Variants in GADL1 observed in about 807,000 individuals in gnomAD.
GADL1 encodes the protein acidic amino acid decarboxylase GADL1.
A neutral mutation model predicts 69.5 loss-of-function variants in GADL1; 71 were observed. That is an observed-to-expected ratio of 1.02 (90% confidence interval 0.84 to 1.25). The LOEUF (loss-of-function observed/expected upper bound fraction) is 1.25, where lower values mean the gene tolerates loss of function less well. Ranked by LOEUF, GADL1 falls within the 50% of genes most tolerant of loss-of-function variation. The pLI, the probability that GADL1 is intolerant of heterozygous loss-of-function variation, is 0.00. For synonymous variants in GADL1, 254 were observed against 214.4 expected, an observed-to-expected ratio of 1.18 and a Z score of -1.62; for missense variants, 737 against 631.8, an observed-to-expected ratio of 1.17 and a Z score of -1.79.
At chr3:30,851,140 T>C (rs896243986) in intron 4 of GADL1, among the ~76,000 whole-genome samples, 199 bp from the exon 5 acceptor site, 2 of 152,168 alleles carry the variant, frequency 1.3e-5, no homozygotes, top group Non-Finnish European at 2.9e-5. Flanking sequence ...CAATAGCTTG[T>C]GGCCTCAGGG....
intron 11 of GADL1, among the ~76,000 whole-genome samples, chr3:30,806,724 G>A (rs751473263): frequency 5.9e-5 from 9 of 152,200 alleles, no homozygotes; most frequent in Non-Finnish European, 1.2e-4. Context: ...AGAAGAAGCT[G>A]AGAGCTGAAA....
intron 1 of GADL1, among the ~76,000 whole-genome samples, chr3:30,864,558 T>G (rs973436469): frequency 2.0e-5 from 3 of 152,050 alleles, no homozygotes; most frequent in Non-Finnish European, 4.4e-5. Flanking sequence ...GTCTAGATGA[T>G]GTCTTTTCTT....
chr3:30,760,060 T>C (rs1415853615), intron 14 of GADL1, among the ~76,000 whole-genome samples: 1 of 152,214 alleles, frequency 6.6e-6, no homozygotes, highest in East Asian at 1.9e-4. Context: ...TATTGTCTCA[T>C]ATCACTAAAG....
At chr3:30,872,303 A>G (rs570194960) in intron 1 of GADL1, among the ~76,000 whole-genome samples, 7 of 151,936 alleles carry the variant, frequency 4.6e-5, no homozygotes, top group African/African-American at 1.7e-4. Context: ...ACAGAGCAGT[A>G]TTTTCCTCAG....
rs138485566 is a variant in GADL1 at position 30,796,194 on chromosome 3, A to G, written c.1250+4695T>C. Among the ~76,000 whole-genome samples the G allele has an allele frequency of 3.0e-3, 451 of 152,328 alleles. 2 individuals carry two copies. Among genetic ancestry groups the G allele is most frequent in the African/African-American group, 0.01 (428 of 41,584 alleles). The stretch of plus-strand genomic sequence containing the variant: ...ATTATTTCAAAGCTTAGACAAAATA[A>G]TGCAGAGATTCTACCCCATTTAAAT... On this transcript the variant is annotated intron_variant, in intron 12 of 14. Transcript: ENST00000282538.
chr3:30,875,381 C>A (rs756250179), intron 1 of GADL1, among the ~76,000 whole-genome samples: 1 of 151,840 alleles, frequency 6.6e-6, no homozygotes, highest in East Asian at 2.0e-4. Context: ...TATCCTCATT[C>A]CCATATGAGG....
rs771992043 is a variant in GADL1, at chr3:30,857,136, A to G, written c.216T>C (p.Cys72=). The change falls in exon 3 of 15, where the codon TGT becomes TGC. Residue 72 remains cysteine (C), a synonymous_variant. Coordinates refer to ENST00000282538, the MANE Select transcript of GADL1 (RefSeq NM_207359.3). ...LKATDVNEKV[C]EWRPPEQLKQ... The stretch of plus-strand genomic sequence containing the variant: ...TCAGTTGTTCAGGAGGCCTCCATTC[A>G]CACACCTGGAGATTCAACCACAACA... The G allele has an allele frequency of 2.2e-5, 34 of 1,549,872 alleles. No individual in the cohort carries two copies. The highest frequency in any genetic ancestry group is 2.9e-5 in the Non-Finnish European group (33 of 1,145,756).
intron 14 of GADL1, among the ~76,000 whole-genome samples, chr3:30,765,241 G>A (rs1409609701): frequency 6.6e-6 from 1 of 152,108 alleles, no homozygotes; most frequent in Non-Finnish European, 1.5e-5. Context: ...CTCATAAGAA[G>A]TGGTGGCTCT....
Position 30,758,632 on chromosome 3 carries a change from C to T in GADL1, c.1392+19547G>A, listed in dbSNP as rs563785358. On this transcript the variant is annotated intron_variant, in intron 14 of 14. Coordinates refer to ENST00000282538, the MANE Select transcript of GADL1 (RefSeq NM_207359.3). ...CTTAAATATAAATGTGGACCTTCTA[C>T]GAATATATCAACTTGGTGGAAGAAG... Among the ~76,000 whole-genome samples, 159 of 152,238 alleles carry T rather than the reference C, an allele frequency of 1.0e-3. 1 individual carries two copies. Among genetic ancestry groups the T allele is most frequent in the Non-Finnish European group, 1.5e-3 (102 of 68,008 alleles).
At chr3:30,734,617 A>G (rs1406887134) in intron 14 of GADL1, among the ~76,000 whole-genome samples, 2 of 152,194 alleles carry the variant, frequency 1.3e-5, no homozygotes, top group Non-Finnish European at 2.9e-5. Context: ...TCTTATATAA[A>G]AAAATTTTTG....
intron 12 of GADL1, among the ~76,000 whole-genome samples, chr3:30,793,658 C>A (rs1468060286): frequency 2.0e-5 from 3 of 152,276 alleles, no homozygotes; most frequent in Admixed American, 6.5e-5. Flanking sequence ...AAACTTGCTG[C>A]AAAACAATTT....
intron 14 of GADL1, among the ~76,000 whole-genome samples, chr3:30,737,361 A>C (rs1407464728): frequency 6.6e-6 from 1 of 152,110 alleles, no homozygotes; most frequent in East Asian, 1.9e-4. Context: ...TTGTAATAAA[A>C]CAAACCAGTG....
intron 9 of GADL1, among the ~76,000 whole-genome samples, chr3:30,836,084 C>G (rs1697868681): frequency 1.3e-5 from 2 of 151,972 alleles, no homozygotes; most frequent in South Asian, 4.1e-4. Context: ...ACCTACTTTT[C>G]TCACTTCTCT....
intron 14 of GADL1, among the ~76,000 whole-genome samples, chr3:30,752,109 C>T (rs1695835224): frequency 8.0e-6 from 1 of 125,102 alleles, no homozygotes; most frequent in African/African-American, 5.4e-5. Flanking sequence ...TCTCATTCCA[C>T]ACACACAGTG....
At chr3:30,836,391 A>T (rs1697873638) in intron 9 of GADL1, among the ~76,000 whole-genome samples, 1 of 109,560 alleles carries the variant, frequency 9.1e-6, no homozygotes. Flanking sequence ...CCATAAATTT[A>T]TTCCTTAAAA....
intron 1 of GADL1, among the ~76,000 whole-genome samples, chr3:30,887,522 C>T (rs1698725538): frequency 1.3e-5 from 2 of 152,110 alleles, no homozygotes; most frequent in South Asian, 2.1e-4. Context: ...TGAAAAGAAT[C>T]CCCACAAGCA....
chr3:30,776,164 C>T (rs1028254970), intron 14 of GADL1, among the ~76,000 whole-genome samples: 5 of 152,280 alleles, frequency 3.3e-5, no homozygotes, highest in Admixed American at 3.3e-4. Flanking sequence ...TAAAAACAAA[C>T]ATGAGTCTGT....
chr3:30,882,208 C>T (rs116435940), intron 1 of GADL1, among the ~76,000 whole-genome samples: 13 of 151,836 alleles, frequency 8.6e-5, no homozygotes, highest in Admixed American at 2.6e-4. Flanking sequence ...TTTAAGTGTA[C>T]AGCTCAGTAG....
chr3:30,852,557 G>A (rs1698164559), intron 4 of GADL1, among the ~76,000 whole-genome samples: 1 of 151,986 alleles, frequency 6.6e-6, no homozygotes, highest in African/African-American at 2.4e-5. Context: ...ACCACGTTAT[G>A]AAGCCAGTGT....
Sources: allele counts gnomAD v4.1 joint callset (sites outside exome capture counted in the v4.1 genomes callset), GRCh38; gene constraint gnomAD v4.1.1; transcripts MANE v1.5; gene names NCBI Gene and HGNC (gene_info 2026-07-23, HGNC 2026-07-21).